Variants in HOXB7 observed in about 807,000 individuals in gnomAD.
HOXB7 encodes the protein homeobox protein Hox-B7.
Under a neutral mutation model 19.2 loss-of-function variants are expected in HOXB7, and 11 were observed. That is an observed-to-expected ratio of 0.57 (90% CI 0.36 to 0.95). The LOEUF is 0.95. HOXB7 is among the 40% of genes least tolerant of loss of function. HOXB7 has a pLI of 0.01. For synonymous variants in HOXB7, 141 were observed against 130.2 expected, an observed-to-expected ratio of 1.08 and a Z score of -0.56; for missense variants, 318 against 301.1, an observed-to-expected ratio of 1.06 and a Z score of -0.42.
At chr17:48,609,261 T>G (rs1325642880) in intron 1 of HOXB7, among the ~76,000 whole-genome samples, 1 of 152,124 alleles carries the variant, frequency 6.6e-6, no homozygotes, top group Non-Finnish European at 1.5e-5. Flanking sequence ...TTTAAAGAGG[T>G]GCTGATGTCA....
rs1356930589 is a variant in HOXB7 at position 48,607,415 on chromosome 17, G to GGGCA, written c.*423_*426dup. The GGGCA allele has an allele frequency of 6.3e-6, 1 of 157,752 alleles. No individual in the cohort carries two copies. The highest frequency in any genetic ancestry group is 2.4e-5 in the African/African-American group (1 of 41,474). 9.8% of individuals were successfully genotyped at this position (157,752 alleles called of 1,614,324 possible). The stretch of plus-strand genomic sequence containing the variant: ...CTGCTGGGAAGGCGGAGGCTCAGGA[G>GGGCA]GGCAGGCAACCACAGGGTTAGTCCA... On this transcript the variant is annotated 3_prime_UTR_variant, in exon 2 of 2. Transcript: ENST00000239165.
At position 48,607,714 on chromosome 17, in the gene HOXB7, G is replaced by GTTT. The variant is rs11454153; in HGVS notation, c.*125_*127dup. 1 of 634,136 alleles carries GTTT rather than the reference G, an allele frequency of 1.6e-6. No individual in the cohort carries two copies. The highest frequency in any genetic ancestry group is 2.4e-6 in the Non-Finnish European group (1 of 419,610). The allele number at this position is 634,136 out of a possible 1,614,324, so 39.3% of individuals were successfully genotyped here. The stretch of plus-strand genomic sequence containing the variant: ...TTCATTTAAATAGGGTTTTTTTTTT[G>GTTT]TTTTTTTTGTTTTTTGTTTTGTTTT... On this transcript the variant is annotated 3_prime_UTR_variant, in exon 2 of 2. Transcript: ENST00000239165.
rs2070638917 is a variant in HOXB7 at position 48,610,823 on chromosome 17, A to G, written c.96T>C (p.Cys32=). 13 of 1,583,530 alleles carry G rather than the reference A, an allele frequency of 8.2e-6. No homozygotes were observed. The highest frequency in any genetic ancestry group is 1.0e-5 in the Non-Finnish European group (12 of 1,168,014). The change falls in exon 1 of 2, where the codon TGT becomes TGC. Residue 32 remains cysteine (C), a synonymous_variant. Transcript: ENST00000239165. ...GGCGCTGGGGGTTGGAAGCAAACGCACAAGAAGTTTGTTCTGGGAAGGCTC... is the reference window on the plus strand; with the variant it reads ...GGCGCTGGGGGTTGGAAGCAAACGCGCAAGAAGTTTGTTCTGGGAAGGCTC... ...ATGAFPEQTS[C]AFASNPQRPG...
chr17:48,608,829 C>G (rs1402383271), intron 1 of HOXB7, among the ~76,000 whole-genome samples: 1 of 152,138 alleles, frequency 6.6e-6, no homozygotes, highest in Non-Finnish European at 1.5e-5. Context: ...CAGTAGAGAC[C>G]AAGAGAAACC....
At chr17:48,609,841 C>A (rs941205621) in intron 1 of HOXB7, among the ~76,000 whole-genome samples, 1 of 152,204 alleles carries the variant, frequency 6.6e-6, no homozygotes, top group African/African-American at 2.4e-5. Flanking sequence ...CTGTTCCACT[C>A]CCCCACCCAG....
At position 48,610,613 on chromosome 17, in the gene HOXB7, G is replaced by T. The variant is rs1026798949; in HGVS notation, c.306C>A (p.Gly102=). 6.4e-7 allele frequency: 1 copy of T among 1,557,764 alleles called. No individual in the cohort carries two copies. Among genetic ancestry groups the T allele is most frequent in the Non-Finnish European group, 8.7e-7 (1 of 1,150,720 alleles). ...FEQNLSGVCP[G]DSAKAAGAKE... is the part of the protein sequence containing the mutation. ...TGGCGCCCGCCGCCTTGGCGGAGTC[G>T]CCGGGACACACCCCGGAGAGGTTCT... The change falls in exon 1 of 2, where the codon GGC becomes GGA. Residue 102 remains glycine, a synonymous_variant. Transcript: ENST00000239165.
chr17:48,607,614 T>C lies in HOXB7; in HGVS notation c.*228A>G, dbSNP rs1400802968. On this transcript the variant is annotated 3_prime_UTR_variant, in exon 2 of 2. Transcript: ENST00000239165. ...AAACCAAACCTGACAGACTTTCCTATAGGTAGTATTTTTTCAGTGTTGAAA... is the reference window on the plus strand; with the variant it reads ...AAACCAAACCTGACAGACTTTCCTACAGGTAGTATTTTTTCAGTGTTGAAA... 4.0e-5 allele frequency: 20 copies of C among 505,362 alleles called. No individual in the cohort carries two copies. The highest frequency in any genetic ancestry group is 1.9e-4 in the East Asian group (6 of 31,222). The allele number at this position is 505,362 out of a possible 1,614,324, so 31.3% of individuals were successfully genotyped here.
Position 48,608,103 on chromosome 17 carries a change from C to T in HOXB7, c.401-8G>A, listed in dbSNP as rs745837009. On this transcript the variant is annotated splice_polypyrimidine_tract_variant and splice_region_variant and intron_variant, in intron 1 of 1. Coordinates refer to ENST00000239165, the MANE Select transcript of HOXB7 (RefSeq NM_004502.4). ...CTCGTTTGCGGTCAGTTCCTGCACA[C>T]AGTATTCAGAGGAAAATCAGTGAGT... 1.4e-5 allele frequency: 22 copies of T among 1,608,806 alleles called. No individual in the cohort carries two copies. The highest frequency in any genetic ancestry group is 3.3e-5 in the South Asian group (3 of 90,930).
rs1042226 is a variant in HOXB7, at chr17:48,607,799, C to G, written c.*43G>C. ...AGTTCCCAGAGCTGGGCTTCTCTTC[C>G]TCTCCCTTTCTCATGTCTCTTCCTC... On this transcript the variant is annotated 3_prime_UTR_variant, in exon 2 of 2. Coordinates refer to ENST00000239165, the MANE Select transcript of HOXB7 (RefSeq NM_004502.4). 1.6e-5 allele frequency: 23 copies of G among 1,477,694 alleles called. No individual in the cohort carries two copies. The highest frequency in any genetic ancestry group is 2.0e-5 in the Non-Finnish European group (21 of 1,067,130). The allele number at this position is 1,477,694 out of a possible 1,614,324, so 91.5% of individuals were successfully genotyped here. A position where few individuals can be genotyped will look rare whatever the true frequency, so the allele number is the denominator to read the frequency against.
Position 48,608,378 on chromosome 17 carries a change from TG to T in HOXB7, c.401-284del, listed in dbSNP as rs369320098. 950 of 156,110 alleles carry T rather than the reference TG, an allele frequency of 6.1e-3. 3 individuals carry two copies. The highest frequency in any genetic ancestry group is 0.024 in the African/African-American group (894 of 38,034). 9.7% of individuals were successfully genotyped at this position (156,110 alleles called of 1,614,324 possible). A position where few individuals can be genotyped will look rare whatever the true frequency, so the allele number is the denominator to read the frequency against. ...GGCAGAGCTTGCAGTGAGCCGAGAT[TG>T]CGCCACTGCACTCCAGTCTGGGCGA... On this transcript the variant is annotated intron_variant, in intron 1 of 1. Coordinates refer to ENST00000239165, the MANE Select transcript of HOXB7 (RefSeq NM_004502.4).
At chr17:48,608,568 C>G (rs948019860) in intron 1 of HOXB7, among the ~76,000 whole-genome samples, 2 of 152,336 alleles carry the variant, frequency 1.3e-5, no homozygotes, top group South Asian at 4.1e-4. Context: ...CATACCCCAG[C>G]CCTTACTCCA....
chr17:48,611,016 A>T lies in HOXB7; in HGVS notation c.-98T>A. 1 of 1,099,348 alleles carries T rather than the reference A, an allele frequency of 9.1e-7. No homozygotes were observed. Among genetic ancestry groups the T allele is most frequent in the Non-Finnish European group, 1.2e-6 (1 of 814,040 alleles). 68.1% of individuals were successfully genotyped at this position (1,099,348 alleles called of 1,614,324 possible). A position where few individuals can be genotyped will look rare whatever the true frequency, so the allele number is the denominator to read the frequency against. ...ATTAGAGTCCAGATTTACACCAAAA[A>T]GGACCCCCTTTTTCCTCTCCGGACC... is the stretch of plus-strand genomic sequence containing the variant. On this transcript the variant is annotated 5_prime_UTR_variant, in exon 1 of 2. Coordinates refer to ENST00000239165, the MANE Select transcript of HOXB7 (RefSeq NM_004502.4).
chr17:48,611,009 A>T lies in HOXB7; in HGVS notation c.-91T>A, dbSNP rs16942475. On this transcript the variant is annotated 5_prime_UTR_variant, in exon 1 of 2. Transcript: ENST00000239165. Reference sequence around the variant, plus strand: ...TTACAGAATTAGAGTCCAGATTTACACCAAAAAGGACCCCCTTTTTCCTCT... The same window carrying T: ...TTACAGAATTAGAGTCCAGATTTACTCCAAAAAGGACCCCCTTTTTCCTCT... The T allele has an allele frequency of 3.6e-4, 407 of 1,116,826 alleles. 2 individuals are homozygous for T. In the Admixed American group the frequency reaches 9.0e-3, roughly 25 times the overall value. 69.2% of individuals were successfully genotyped at this position (1,116,826 alleles called of 1,614,324 possible). A position where few individuals can be genotyped will look rare whatever the true frequency, so the allele number is the denominator to read the frequency against.
At chr17:48,609,836 C>T (rs2070624802) in intron 1 of HOXB7, among the ~76,000 whole-genome samples, 2 of 152,166 alleles carry the variant, frequency 1.3e-5, no homozygotes, top group African/African-American at 4.8e-5. Flanking sequence ...TTCTCCTGTT[C>T]CACTCCCCCA....
intron 1 of HOXB7, among the ~76,000 whole-genome samples, chr17:48,609,450 A>G (rs1478136923): frequency 2.6e-5 from 4 of 152,224 alleles, no homozygotes; most frequent in African/African-American, 7.2e-5. Flanking sequence ...ATGGTATGAG[A>G]GCTGGGCTGC....
intron 1 of HOXB7, among the ~76,000 whole-genome samples, chr17:48,610,038 T>C (rs1268276788): frequency 6.7e-6 from 1 of 149,366 alleles, no homozygotes; most frequent in Non-Finnish European, 1.5e-5. Flanking sequence ...AGGGGAGAAT[T>C]GCTTAGCGCT....
intron 1 of HOXB7, among the ~76,000 whole-genome samples, chr17:48,608,839 C>T (rs755116906): frequency 1.4e-4 from 21 of 152,192 alleles, no homozygotes; most frequent in Non-Finnish European, 2.8e-4. Flanking sequence ...CAAGAGAAAC[C>T]ATGCAAGTGA....
chr17:48,610,741 G>T lies in HOXB7; in HGVS notation c.178C>A (p.Pro60Thr). ...SFAASMQGLY[P>T]GGGGMAGQSA... The stretch of plus-strand genomic sequence containing the variant: ...TGGCCCGCCATGCCCCCCCCGCCGG[G>T]GTACAAGCCCTGCATCGAGGCGGCG... The change falls in exon 1 of 2, where the codon CCC (proline) becomes ACC (threonine). Residue 60 changes from proline (P) to threonine (T), a missense_variant. Coordinates refer to ENST00000239165, the MANE Select transcript of HOXB7 (RefSeq NM_004502.4). 2 of 1,601,840 alleles carry T rather than the reference G, an allele frequency of 1.2e-6. No individual in the cohort carries two copies. Among genetic ancestry groups the T allele is most frequent in the African/African-American group, 1.3e-5 (1 of 74,428 alleles).
intron 1 of HOXB7, among the ~76,000 whole-genome samples, chr17:48,610,203 C>T (rs1406149860): frequency 1.3e-5 from 2 of 152,238 alleles, no homozygotes; most frequent in South Asian, 2.1e-4. Flanking sequence ...TCGTCTCCAG[C>T]CCGTGCCGGC....
Sources: gnomAD v4.1 joint callset for allele counts (sites outside exome capture counted in the v4.1 genomes callset) on GRCh38, gnomAD v4.1.1 for gene constraint, MANE v1.5 for transcripts, NCBI Gene and HGNC (gene_info 2026-07-23, HGNC 2026-07-21) for gene names.